Variants in MYO5C observed in about 807,000 individuals in gnomAD.
MYO5C encodes the protein myosin VC.
In MYO5C, 194 loss-of-function variants were observed where a neutral mutation model predicts 235.7. The ratio of observed to expected loss-of-function variants is 0.82; its 90% CI spans 0.73 to 0.93. The LOEUF (loss-of-function observed/expected upper bound fraction) is 0.93, where lower values mean the gene tolerates loss of function less well. MYO5C is among the 40% of genes least tolerant of loss of function. MYO5C has a pLI of 0.00. For synonymous variants in MYO5C, 707 were observed against 754.8 expected (o/e 0.94, Z 1.04); for missense variants, 2,038 against 2,127.2 (o/e 0.96, Z 0.82).
chr15:52,236,997 G>A (rs774269521), intron 22 of MYO5C: 1 of 131,540 alleles, frequency 7.6e-6, no homozygotes, highest in Non-Finnish European at 1.7e-5. Flanking sequence ...AGAGGGTAAG[G>A]GACTTTAGCC....
chr15:52,278,935 G>A lies in MYO5C; in HGVS notation c.387C>T (p.Asn129=). 2 of 1,614,174 alleles carry A rather than the reference G, an allele frequency of 1.2e-6. No individual in the cohort carries two copies. The highest frequency in any genetic ancestry group is 1.7e-6 in the Non-Finnish European group (2 of 1,180,024). Residue 129 remains asparagine (N), a synonymous_variant, in exon 4 of 41, where the codon AAC becomes AAT. Transcript: ENST00000261839. ...ATATGTGTGGGTCCATATCGCCCATGTTCTGCCCGCTGTAGGCGTGGATGA... is the reference window on the plus strand; with the variant it reads ...ATATGTGTGGGTCCATATCGCCCATATTCTGCCCGCTGTAGGCGTGGATGA... ...DAIIHAYSGQ[N]MGDMDPHIFA...
At chr15:52,221,332 A>T in intron 29 of MYO5C, 77 bp from the exon 30 acceptor site, 1 of 1,048,650 alleles carries the variant, frequency 9.5e-7, no homozygotes, top group Non-Finnish European at 1.4e-6. Flanking sequence ...AGCAAACTGA[A>T]CTATCTTGGT....
In MYO5C at chr15:52,239,909, C is replaced by G. The variant is rs1217255785; in HGVS notation, c.2557-30G>C. 3 of 1,587,820 alleles carry G rather than the reference C, an allele frequency of 1.9e-6. No homozygotes were observed. The South Asian group carries it at 3.4e-5, about 18-fold the overall frequency. On this transcript the variant is annotated intron_variant, in intron 20 of 40. Coordinates refer to ENST00000261839, the MANE Select transcript of MYO5C (RefSeq NM_018728.4). ...AAAACAAGATTTTGTGAAACATAAA[C>G]TGGATCCCAAGTGCTTCTCTAACCA...
chr15:52,288,956 C>T (rs191655841), intron 1 of MYO5C, among the ~76,000 whole-genome samples: 1 of 152,174 alleles, frequency 6.6e-6, no homozygotes, highest in Non-Finnish European at 1.5e-5. Context: ...CTTCTCACGC[C>T]GCCTGCTTTT....
intron 28 of MYO5C, among the ~76,000 whole-genome samples, chr15:52,224,308 T>C (rs142148912): frequency 2.1e-3 from 322 of 152,234 alleles, no homozygotes; most frequent in African/African-American, 7.5e-3. Context: ...CAAAACATGT[T>C]CTGTATGATA....
At chr15:52,198,314 G>A (rs991111294) in intron 38 of MYO5C, among the ~76,000 whole-genome samples, 4 of 152,164 alleles carry the variant, frequency 2.6e-5, no homozygotes, top group African/African-American at 7.2e-5. Context: ...CAGCCTGGGC[G>A]ACAAGAGTGA....
At chr15:52,224,207 C>A (rs1566968586) in intron 28 of MYO5C, among the ~76,000 whole-genome samples, 1 of 152,180 alleles carries the variant, frequency 6.6e-6, no homozygotes, top group East Asian at 1.9e-4. Context: ...CGCTTGAAAC[C>A]TGGAGGTGGA....
chr15:52,211,734 AC>A lies in MYO5C; in HGVS notation c.4291del (p.Val1431LeufsTer5). The A allele has an allele frequency of 6.2e-7, 1 of 1,613,478 alleles. No individual in the cohort carries two copies. The highest frequency in any genetic ancestry group is 8.5e-7 in the Non-Finnish European group (1 of 1,179,626). The part of the protein sequence containing the change: ...NSTINGIKQV[V>X]KEHLEDFEML... ...AATGTCAAAGGCATTTCCTACCTTA[AC>A]CACCTGCTTGATGCCATTAATGGTG... On this transcript the variant is annotated frameshift_variant, in exon 35 of 41. Coordinates refer to ENST00000261839, the MANE Select transcript of MYO5C (RefSeq NM_018728.4). LOFTEE classifies it high-confidence loss of function.
chr15:52,284,763 T>C (rs1171394282), intron 1 of MYO5C, among the ~76,000 whole-genome samples: 1 of 152,034 alleles, frequency 6.6e-6, no homozygotes, highest in East Asian at 1.9e-4. Context: ...TGGGATACAA[T>C]GAATATGGTA....
chr15:52,265,703 T>A (rs1468445552), intron 8 of MYO5C, among the ~76,000 whole-genome samples: 1 of 152,102 alleles, frequency 6.6e-6, no homozygotes, highest in Admixed American at 6.5e-5. Flanking sequence ...CACGCCCAGC[T>A]AATTTTTTGT....
At chr15:52,281,906 C>T (rs2037169242) in intron 2 of MYO5C, among the ~76,000 whole-genome samples, 1 of 152,194 alleles carries the variant, frequency 6.6e-6, no homozygotes, top group Non-Finnish European at 1.5e-5. Context: ...CCTCTGGGAT[C>T]TAGATGGAGC....
chr15:52,253,730 GT>G (rs2036521330), intron 11 of MYO5C, among the ~76,000 whole-genome samples: 1 of 152,198 alleles, frequency 6.6e-6, no homozygotes. Context: ...GCACCACATG[GT>G]ACTCAGTGTG....
intron 8 of MYO5C, 87 bp from the exon 9 acceptor site, chr15:52,264,383 G>A (rs1008287234): frequency 4.6e-5 from 48 of 1,043,378 alleles, no homozygotes; most frequent in Non-Finnish European, 6.9e-5. Flanking sequence ...AAGATATGCA[G>A]GTAGCATCAG....
intron 2 of MYO5C, among the ~76,000 whole-genome samples, 166 bp from the exon 3 acceptor site, chr15:52,279,840 T>C (rs1431027855): frequency 3.3e-5 from 5 of 152,188 alleles, no homozygotes; most frequent in African/African-American, 1.2e-4. Context: ...ACTCCTGGAA[T>C]AATGAAAAGT....
intron 23 of MYO5C, among the ~76,000 whole-genome samples, chr15:52,233,315 T>TA (rs142248037): frequency 0.27 from 8,806 of 32,696 alleles, 3,265 homozygotes; most frequent in African/African-American, 0.33. Flanking sequence ...AAAAAAAAAA[T>TA]AAATAAATAA....
intron 23 of MYO5C, among the ~76,000 whole-genome samples, chr15:52,234,265 A>T (rs2036029740): frequency 6.6e-6 from 1 of 152,264 alleles, no homozygotes; most frequent in African/African-American, 2.4e-5. Context: ...GGTCACAAGC[A>T]TAGGTAAAGG....
chr15:52,232,328 G>GAAGGGAGGAGAGAAGGAAGGAAA lies in MYO5C; in HGVS notation c.3026+293_3026+294insTTTCCTTCCTTCTCTCCTCCCTT, dbSNP rs2035980265. Among the ~76,000 whole-genome samples, 3 of 18,664 alleles carry GAAGGGAGGAGAGAAGGAAGGAAA rather than the reference G, an allele frequency of 1.6e-4. 1 individual carries two copies. The highest frequency in any genetic ancestry group is 3.0e-4 in the African/African-American group (3 of 10,064). 12.2% of individuals were successfully genotyped at this position (18,664 alleles called of 152,430 possible). ...AGGAAGGAAGGAGAGAAGGAAGGAA[G>GAAGGGAGGAGAGAAGGAAGGAAA]GAGAGAAAGAAAGAAGAGAAAGAAA... On this transcript the variant is annotated intron_variant, in intron 24 of 40. Coordinates refer to ENST00000261839, the MANE Select transcript of MYO5C (RefSeq NM_018728.4).
At chr15:52,275,489 C>T (rs2037023570) in intron 5 of MYO5C, 73 bp downstream of exon 5, 1 of 1,575,900 alleles carries the variant, frequency 6.3e-7, no homozygotes, top group Admixed American at 1.7e-5. Flanking sequence ...TTGAATTAGC[C>T]AGGAGAGCAC....
At position 52,256,716 on chromosome 15, in the gene MYO5C, CAAAACTGAAATACAATTTA is replaced by C. The variant is rs1209583431; in HGVS notation, c.1314-15_1317del. ...TCAAAGCTGTTCACATCAAAGGTTTCAAAACTGAAATACAATTTAAACAAGTTAAAATATAACCTGAAGC... is the reference window on the plus strand; with the variant it reads ...TCAAAGCTGTTCACATCAAAGGTTTCAACAAGTTAAAATATAACCTGAAGC... On this transcript the variant is annotated splice_acceptor_variant and splice_polypyrimidine_tract_variant and coding_sequence_variant and intron_variant, in exon 11 of 41. Coordinates refer to ENST00000261839, the MANE Select transcript of MYO5C (RefSeq NM_018728.4). LOFTEE classifies it high-confidence loss of function. 6 of 1,610,618 alleles carry C rather than the reference CAAAACTGAAATACAATTTA, an allele frequency of 3.7e-6. No homozygotes were observed. In the African/African-American group the frequency reaches 8.0e-5, roughly 22 times the overall value.
Sources: gnomAD v4.1 joint callset for allele counts (sites outside exome capture counted in the v4.1 genomes callset) on GRCh38, gnomAD v4.1.1 for gene constraint, MANE v1.5 for transcripts, NCBI Gene and HGNC (gene_info 2026-07-23, HGNC 2026-07-21) for gene names.